ZNF570: variants seen among roughly 807,000 people sequenced by gnomAD.
ZNF570 encodes zinc finger protein 570.
In ZNF570, 8 loss-of-function variants were observed where a neutral mutation model predicts 14.2. The observed-to-expected ratio is 0.56, with a 90% CI of 0.33 to 1.02. ZNF570 has a LOEUF of 1.02. ZNF570 is among the 50% of genes least tolerant of loss of function. ZNF570 has a pLI of 0.03. For missense variants in ZNF570, 559 were observed against 624.9 expected (o/e 0.89, Z 1.12); for synonymous variants, 202 against 207.6 (o/e 0.97, Z 0.23).
intron 2 of ZNF570, among the ~76,000 whole-genome samples, chr19:37,472,378 A>G (rs1224606605): frequency 7.4e-6 from 1 of 135,380 alleles, no homozygotes; most frequent in Non-Finnish European, 1.6e-5. Context: ...GTATGATGTC[A>G]TTATTTATAG....
At chr19:37,477,208 T>A (rs772086823) in intron 4 of ZNF570, among the ~76,000 whole-genome samples, 4 of 151,908 alleles carry the variant, frequency 2.6e-5, no homozygotes, top group Non-Finnish European at 4.4e-5. Context: ...CTTCTGTGTT[T>A]ATTGTTGTGG....
In ZNF570 at chr19:37,469,394, C is replaced by G; in HGVS notation, c.-215C>G. The G allele has an allele frequency of 2.7e-6, 4 of 1,501,644 alleles. No individual in the cohort carries two copies. The highest frequency in any genetic ancestry group is 3.6e-6 in the Non-Finnish European group (4 of 1,125,418). 93.0% of individuals were successfully genotyped at this position (1,501,644 alleles called of 1,614,324 possible). A position where few individuals can be genotyped will look rare whatever the true frequency, so the allele number is the denominator to read the frequency against. Reference sequence around the variant, plus strand: ...CCCGTAAGGGCTGGGTTCCATCCAACTAAGGGTAGCGGTGAGACCCGAGTG... The same window carrying G: ...CCCGTAAGGGCTGGGTTCCATCCAAGTAAGGGTAGCGGTGAGACCCGAGTG... On this transcript the variant is annotated 5_prime_UTR_variant, in exon 1 of 5. Coordinates refer to ENST00000330173, the MANE Select transcript of ZNF570 (RefSeq NM_144694.5).
chr19:37,478,598 G>A (rs1169824837), intron 4 of ZNF570, among the ~76,000 whole-genome samples: 1 of 142,816 alleles, frequency 7.0e-6, no homozygotes, highest in Admixed American at 7.0e-5. Context: ...GTGATAACAG[G>A]CATTCTTGTC....
intron 4 of ZNF570, among the ~76,000 whole-genome samples, chr19:37,482,852 T>A (rs1161012872): frequency 1.3e-5 from 2 of 151,140 alleles, no homozygotes; most frequent in Non-Finnish European, 2.9e-5. Flanking sequence ...TTTCTTTCTC[T>A]CTCTCTCTCT....
intron 2 of ZNF570, among the ~76,000 whole-genome samples, chr19:37,473,862 TTAG>T (rs1448967980): frequency 6.6e-6 from 1 of 152,172 alleles, no homozygotes; most frequent in Non-Finnish European, 1.5e-5. Context: ...CTATCAGAAA[TTAG>T]TAGATATATA....
At chr19:37,480,244 G>A (rs2042071485) in intron 4 of ZNF570, among the ~76,000 whole-genome samples, 1 of 152,190 alleles carries the variant, frequency 6.6e-6, no homozygotes, top group African/African-American at 2.4e-5. Context: ...CCAGCACTTT[G>A]GGAGGCCGAG....
chr19:37,487,807 T>C lies in ZNF570; in HGVS notation c.*2574T>C, dbSNP rs1210198241. On this transcript the variant is annotated 3_prime_UTR_variant, in exon 5 of 5. Coordinates refer to ENST00000330173, the MANE Select transcript of ZNF570 (RefSeq NM_144694.5). The stretch of plus-strand genomic sequence containing the variant: ...AGAGCAGCAAGAAAAATTTCGAATC[T>C]ATTTGTAGAAACTGCATATGATGAT... 6.6e-6 allele frequency: 1 copy of C among 152,178 alleles called. No homozygotes were observed. Among genetic ancestry groups the C allele is most frequent in the Non-Finnish European group, 1.5e-5 (1 of 68,030 alleles). 9.4% of individuals were successfully genotyped at this position (152,178 alleles called of 1,614,324 possible). A position where few individuals can be genotyped will look rare whatever the true frequency, so the allele number is the denominator to read the frequency against.
chr19:37,481,540 T>C (rs1439540479), intron 4 of ZNF570, among the ~76,000 whole-genome samples: 4 of 152,242 alleles, frequency 2.6e-5, no homozygotes, highest in Non-Finnish European at 5.9e-5. Context: ...TTTTCATTAA[T>C]ATATTCTTCC....
upstream of ZNF570, chr19:37,468,081 T>TTTTG (rs2041880588): frequency 2.7e-5 from 19 of 698,212 alleles, no homozygotes; most frequent in East Asian, 5.5e-5. Context: ...GTTTTTTTTT[T>TTTTG]TTTGTTTGTT....
intron 4 of ZNF570, among the ~76,000 whole-genome samples, chr19:37,477,656 T>C (rs1469978972): frequency 6.6e-6 from 1 of 152,184 alleles, no homozygotes; most frequent in Non-Finnish European, 1.5e-5. Flanking sequence ...GCTTATGTTT[T>C]TGATACTTTA....
intron 4 of ZNF570, among the ~76,000 whole-genome samples, chr19:37,483,279 CTTT>C (rs920376628): frequency 6.6e-6 from 1 of 152,148 alleles, no homozygotes; most frequent in Non-Finnish European, 1.5e-5. Context: ...GACTGACTGA[CTTT>C]TTCACTTTCT....
intron 2 of ZNF570, among the ~76,000 whole-genome samples, chr19:37,473,850 G>A (rs1306624200): frequency 6.6e-6 from 1 of 152,180 alleles, no homozygotes; most frequent in African/African-American, 2.4e-5. Context: ...GAGAACTGGT[G>A]TCTATCAGAA....
At chr19:37,483,310 T>C (rs1350383428) in intron 4 of ZNF570, among the ~76,000 whole-genome samples, 1 of 152,174 alleles carries the variant, frequency 6.6e-6, no homozygotes, top group African/African-American at 2.4e-5. Flanking sequence ...TTTGCTTAAA[T>C]GTTAACTTGT....
chr19:37,485,381 C>T lies in ZNF570; in HGVS notation c.*148C>T. The T allele has an allele frequency of 1.4e-6, 1 of 736,728 alleles. No individual in the cohort carries two copies. The highest frequency in any genetic ancestry group is 2.0e-6 in the Non-Finnish European group (1 of 494,746). 45.6% of individuals were successfully genotyped at this position (736,728 alleles called of 1,614,324 possible). On this transcript the variant is annotated 3_prime_UTR_variant, in exon 5 of 5. Transcript: ENST00000330173. ...TTTTGCTACCTTTAAATCCATTTCC[C>T]ACAATGCACTCAAACGGATCTTTTT...
Position 37,483,864 on chromosome 19 carries a change from A to T in ZNF570, c.257-15A>T, listed in dbSNP as rs1445015262. Reference sequence around the variant, plus strand: ...CTCAATAGAGGAGACATTTTTTCTTATTATTACTTTTCAGGCTGGGAGCCT... The same window carrying T: ...CTCAATAGAGGAGACATTTTTTCTTTTTATTACTTTTCAGGCTGGGAGCCT... On this transcript the variant is annotated splice_polypyrimidine_tract_variant and intron_variant, in intron 4 of 4. Coordinates refer to ENST00000330173, the MANE Select transcript of ZNF570 (RefSeq NM_144694.5). The T allele has an allele frequency of 1.3e-5, 20 of 1,567,294 alleles. No homozygotes were observed. In the Admixed American group the frequency reaches 2.4e-4, roughly 19 times the overall value.
intron 4 of ZNF570, among the ~76,000 whole-genome samples, chr19:37,479,660 T>A (rs994000933): frequency 1.3e-5 from 2 of 152,172 alleles, no homozygotes; most frequent in African/African-American, 4.8e-5. Context: ...CAGTTTTTTT[T>A]ATATTTTGAA....
At chr19:37,472,193 C>T (rs1600376770) in intron 2 of ZNF570, among the ~76,000 whole-genome samples, 2 of 152,184 alleles carry the variant, frequency 1.3e-5, no homozygotes, top group East Asian at 1.9e-4. Context: ...CATGAGCCAT[C>T]GCACTCGGCC....
intron 4 of ZNF570, among the ~76,000 whole-genome samples, chr19:37,482,835 CTCTCTCTT>C (rs2042102832): frequency 6.6e-6 from 1 of 151,320 alleles, no homozygotes; most frequent in South Asian, 2.1e-4. Flanking sequence ...CTCTCTCTCT[CTCTCTCTT>C]TCTTTCTCTC....
In ZNF570 at chr19:37,484,731, G is replaced by T. The variant is rs146360083; in HGVS notation, c.1109G>T (p.Arg370Leu). The T allele has an allele frequency of 1.2e-6, 2 of 1,613,838 alleles. No individual in the cohort carries two copies. The highest frequency in any genetic ancestry group is 1.7e-6 in the Non-Finnish European group (2 of 1,180,000). Residue 370 changes from arginine to leucine, a missense_variant, in exon 5 of 5, where the codon CGT (arginine) becomes CTT (leucine). Physicochemically the swap from Arg to Leu is moderately radical, Grantham distance 102 (BLOSUM62 -2). Coordinates refer to ENST00000330173, the MANE Select transcript of ZNF570 (RefSeq NM_144694.5). Reference sequence around the variant, plus strand: ...GTCTGTGGGAAAGCATTTAGCCTTCGTGCATACCTTACTGTACATCAGAGA... The same window carrying T: ...GTCTGTGGGAAAGCATTTAGCCTTCTTGCATACCTTACTGTACATCAGAGA... ...CNVCGKAFSL[R>L]AYLTVHQRIH... is the part of the protein sequence containing the mutation.
Sources: gnomAD v4.1 joint callset for allele counts (sites outside exome capture counted in the v4.1 genomes callset) on GRCh38, gnomAD v4.1.1 for gene constraint, MANE v1.5 for transcripts, NCBI Gene and HGNC (gene_info 2026-07-23, HGNC 2026-07-21) for gene names.